Variants in MAP3K20 observed in about 807,000 individuals in gnomAD.
MAP3K20 encodes HCCS-4.
In MAP3K20, 40 loss-of-function variants were observed where a neutral mutation model predicts 85.7. The observed-to-expected ratio is 0.47, with a 90% CI of 0.36 to 0.61. MAP3K20 has a LOEUF of 0.61. Among genes scored for constraint, MAP3K20 ranks in the 20% least tolerant of loss-of-function variants. MAP3K20 has a pLI of 0.00. For missense variants in MAP3K20, 817 were observed against 961.7 expected, an observed-to-expected ratio of 0.85 and a Z score of 1.99; for synonymous variants, 325 against 327.7, an observed-to-expected ratio of 0.99 and a Z score of 0.09.
In MAP3K20 at chr2:173,123,715, T is replaced by TTCACATGAGAGACTG. The variant is rs1678196027; in HGVS notation, c.159+32527_159+32541dup. On this transcript the variant is annotated intron_variant, in intron 2 of 19. Coordinates refer to ENST00000375213, the MANE Select transcript of MAP3K20 (RefSeq NM_016653.3). Reference sequence around the variant, plus strand: ...TTCTTTTTTAATCAGTACCCTAACTTTCACATGAGAGACTGTGGTTGTAAA... The same window carrying TTCACATGAGAGACTG: ...TTCTTTTTTAATCAGTACCCTAACTTTCACATGAGAGACTGTCACATGAGAGACTGTGGTTGTAAA... 3.3e-5 allele frequency among the ~76,000 whole-genome samples: 5 copies of TTCACATGAGAGACTG among 152,286 alleles called. No homozygotes were observed. The South Asian group carries it at 1.0e-3, about 32-fold the overall frequency.
rs550401414 is a variant in MAP3K20 at position 173,180,813 on chromosome 2, C to A, written c.248-2041C>A. ...AACTCTCAAAAGAAAAATAGAAAAT[C>A]TTCATGCTTTGGGGTTAAGCAAAGA... On this transcript the variant is annotated intron_variant, in intron 3 of 19. Coordinates refer to ENST00000375213, the MANE Select transcript of MAP3K20 (RefSeq NM_016653.3). Among the ~76,000 whole-genome samples the A allele has an allele frequency of 3.4e-4, 52 of 152,152 alleles. 1 individual carries two copies. The South Asian group carries it at 0.01, about 30-fold the overall frequency.
intron 16 of MAP3K20, among the ~76,000 whole-genome samples, chr2:173,242,940 C>T (rs568333413): frequency 1.3e-5 from 2 of 151,972 alleles, no homozygotes; most frequent in East Asian, 3.9e-4. Context: ...CTCCTGACCT[C>T]GTGATCCACC....
At chr2:173,262,853 C>T (rs1258576602) in intron 18 of MAP3K20, among the ~76,000 whole-genome samples, 2 of 152,174 alleles carry the variant, frequency 1.3e-5, no homozygotes, top group African/African-American at 4.8e-5. Context: ...GTTAACTGGT[C>T]CTCACTACCC....
intron 2 of MAP3K20, among the ~76,000 whole-genome samples, chr2:173,141,632 G>A (rs1255042717): frequency 6.6e-6 from 1 of 151,662 alleles, no homozygotes. Context: ...AGAGAGAGGG[G>A]ATGGATAGAA....
At chr2:173,128,681 C>T (rs769265320) in intron 2 of MAP3K20, among the ~76,000 whole-genome samples, 2 of 152,000 alleles carry the variant, frequency 1.3e-5, no homozygotes, top group Non-Finnish European at 2.9e-5. Context: ...CATTAATTCT[C>T]CTTTAGCTGT....
rs562737173 is a variant in MAP3K20, at chr2:173,240,991, T to A, written c.1359+1495T>A. ...ATGGATGGAACCGGAGGATATTATGTTAAGTGAAATAAGCCAGTCGCAGAA... is the reference window on the plus strand; with the variant it reads ...ATGGATGGAACCGGAGGATATTATGATAAGTGAAATAAGCCAGTCGCAGAA... On this transcript the variant is annotated intron_variant, in intron 16 of 19. Transcript: ENST00000375213. Among the ~76,000 whole-genome samples the A allele has an allele frequency of 8.5e-5, 13 of 152,270 alleles. No individual in the cohort carries two copies. In the East Asian group the frequency reaches 2.5e-3, roughly 29 times the overall value.
intron 2 of MAP3K20, 78 bp downstream of exon 2, chr2:173,091,268 C>T (rs1315568461): frequency 6.7e-7 from 1 of 1,490,680 alleles, no homozygotes; most frequent in African/African-American, 1.4e-5. Context: ...TAGAGGGTCA[C>T]AGGGCTGCAA....
At chr2:173,145,233 C>A (rs1689103949) in intron 2 of MAP3K20, among the ~76,000 whole-genome samples, 1 of 151,200 alleles carries the variant, frequency 6.6e-6, no homozygotes, top group South Asian at 2.1e-4. Flanking sequence ...GGTGACAGAG[C>A]AAGACTCCGT....
chr2:173,116,039 AG>A lies in MAP3K20; in HGVS notation c.159+24852del, dbSNP rs371331480. On this transcript the variant is annotated intron_variant, in intron 2 of 19. Coordinates refer to ENST00000375213, the MANE Select transcript of MAP3K20 (RefSeq NM_016653.3). ...AAAAAAAAAAAAAAATTGTAGAGAA[AG>A]GGTTTTGCCATGTTTCCCAGGCCAG... Among the ~76,000 whole-genome samples the A allele has an allele frequency of 2.6e-4, 39 of 151,766 alleles. 1 individual carries two copies. Among genetic ancestry groups the A allele is most frequent in the African/African-American group, 9.2e-4 (38 of 41,392 alleles).
At chr2:173,121,572 A>G (rs1287213870) in intron 2 of MAP3K20, among the ~76,000 whole-genome samples, 1 of 151,702 alleles carries the variant, frequency 6.6e-6, no homozygotes, top group African/African-American at 2.4e-5. Context: ...TATTTTTAGT[A>G]GAGACGGGGT....
chr2:173,078,071 T>C (rs1392057543), intron 1 of MAP3K20, among the ~76,000 whole-genome samples: 1 of 152,222 alleles, frequency 6.6e-6, no homozygotes, highest in Admixed American at 6.5e-5. Context: ...TGAAAACTTT[T>C]CATGAAAATA....
intron 2 of MAP3K20, among the ~76,000 whole-genome samples, chr2:173,149,185 A>G (rs957419470): frequency 2.0e-5 from 3 of 152,234 alleles, no homozygotes; most frequent in Non-Finnish European, 4.4e-5. Flanking sequence ...AATGCATAAG[A>G]ATAGTAAAGT....
chr2:173,190,988 T>C, intron 6 of MAP3K20, 52 bp from the exon 7 acceptor site: 1 of 1,608,560 alleles, frequency 6.2e-7, no homozygotes, highest in South Asian at 1.1e-5. Flanking sequence ...TAACTGATAA[T>C]CCCTTAATTA....
intron 2 of MAP3K20, among the ~76,000 whole-genome samples, chr2:173,104,864 G>A (rs559103220): frequency 6.6e-6 from 1 of 152,266 alleles, no homozygotes; most frequent in Non-Finnish European, 1.5e-5. Context: ...GGAATTAAGG[G>A]AGGGAACCAA....
At chr2:173,191,226 A>G (rs749801579) in intron 7 of MAP3K20, 49 bp downstream of exon 7, 18 of 1,604,592 alleles carry the variant, frequency 1.1e-5, no homozygotes, top group Non-Finnish European at 1.4e-5. Context: ...ACAAAAAGCA[A>G]ACACTCAAAA....
At chr2:173,080,451 A>G (rs572010765) in intron 1 of MAP3K20, among the ~76,000 whole-genome samples, 1 of 152,328 alleles carries the variant, frequency 6.6e-6, no homozygotes, top group East Asian at 1.9e-4. Flanking sequence ...AAGTCCAGGT[A>G]CATGGCTCTG....
chr2:173,241,424 G>A (rs1376576365), intron 16 of MAP3K20, among the ~76,000 whole-genome samples: 2 of 152,230 alleles, frequency 1.3e-5, no homozygotes, highest in East Asian at 1.9e-4. Flanking sequence ...ACCAGCCTGG[G>A]CAACACGGTG....
intron 9 of MAP3K20, among the ~76,000 whole-genome samples, chr2:173,205,701 CTTTTT>C (rs1330027869): frequency 6.6e-6 from 1 of 151,862 alleles, no homozygotes; most frequent in Non-Finnish European, 1.5e-5. Flanking sequence ...TTCCCTTACC[CTTTTT>C]TTTAAGTAGA....
At chr2:173,110,299 G>C (rs543022179) in intron 2 of MAP3K20, among the ~76,000 whole-genome samples, 1 of 117,144 alleles carries the variant, frequency 8.5e-6, no homozygotes, top group South Asian at 3.0e-4. Flanking sequence ...TGTCACCCAG[G>C]CTGGAGTGCA....
Sources: gnomAD v4.1 joint callset for allele counts (sites outside exome capture counted in the v4.1 genomes callset) on GRCh38, gnomAD v4.1.1 for gene constraint, MANE v1.5 for transcripts, NCBI Gene and HGNC (gene_info 2026-07-23, HGNC 2026-07-21) for gene names.